HDHD2: variants seen among roughly 807,000 people sequenced by gnomAD.
The protein encoded by HDHD2 is haloacid dehalogenase like hydrolase domain containing 2, also known as haloacid dehalogenase-like hydrolase domain-containing protein 2.
HDHD2 carries 26 observed loss-of-function variants against 24.8 expected under a neutral mutation model. The observed-to-expected ratio is 1.05, with a 90% CI of 0.77 to 1.45. The LOEUF (loss-of-function observed/expected upper bound fraction) is 1.45. Among genes scored for constraint, HDHD2 ranks in the 40% most tolerant of loss-of-function variants. The pLI is 0.00. For missense variants in HDHD2, 299 were observed against 313.4 expected, an observed-to-expected ratio of 0.95 and a Z score of 0.35; for synonymous variants, 128 against 114.9, an observed-to-expected ratio of 1.11 and a Z score of -0.73.
intron 4 of HDHD2, among the ~76,000 whole-genome samples, chr18:47,127,121 A>T (rs1191746301): frequency 6.6e-6 from 1 of 152,162 alleles, no homozygotes; most frequent in Non-Finnish European, 1.5e-5. Context: ...AGATCGCACC[A>T]CTGCACTCCA....
chr18:47,145,497 A>T (rs1028927399), intron 1 of HDHD2, among the ~76,000 whole-genome samples: 16 of 152,236 alleles, frequency 1.1e-4, no homozygotes, highest in Admixed American at 9.8e-4. Flanking sequence ...TATATGATAG[A>T]AGTAGTGTTT....
At chr18:47,145,945 A>T (rs2144394956) in intron 1 of HDHD2, among the ~76,000 whole-genome samples, 1 of 152,308 alleles carries the variant, frequency 6.6e-6, no homozygotes. Flanking sequence ...CAAAAGAGCA[A>T]ATCTGGCCGG....
At chr18:47,126,419 G>C (rs1439342889) in intron 4 of HDHD2, among the ~76,000 whole-genome samples, 1 of 151,942 alleles carries the variant, frequency 6.6e-6, no homozygotes, top group Admixed American at 6.6e-5. Flanking sequence ...GAAGGAGATG[G>C]GGGAAAGCAA....
At chr18:47,128,055 A>AAG (rs35896260) in intron 4 of HDHD2, among the ~76,000 whole-genome samples, 85,208 of 151,900 alleles carry the variant, frequency 0.56, 24,000 homozygotes, top group Middle Eastern at 0.62. Flanking sequence ...TCAATATGCA[A>AAG]AAAGGGAAGA....
At chr18:47,144,848 C>T (rs913171791) in intron 1 of HDHD2, among the ~76,000 whole-genome samples, 5 of 144,858 alleles carry the variant, frequency 3.5e-5, no homozygotes, top group African/African-American at 1.0e-4. Context: ...AAAAACAACA[C>T]AAAGAAATCA....
At chr18:47,142,617 G>A (rs2063830071) in intron 1 of HDHD2, among the ~76,000 whole-genome samples, 1 of 152,112 alleles carries the variant, frequency 6.6e-6, no homozygotes, top group Non-Finnish European at 1.5e-5. Context: ...GCAAAAGTGG[G>A]CTTTGAGGAG....
At chr18:47,118,582 G>T (rs1291512253) in intron 4 of HDHD2, among the ~76,000 whole-genome samples, 2 of 152,126 alleles carry the variant, frequency 1.3e-5, no homozygotes, top group African/African-American at 4.8e-5. Context: ...GGCCTGTTGG[G>T]ACTGCAGGGG....
At chr18:47,130,087 A>G (rs2144337553) in intron 4 of HDHD2, among the ~76,000 whole-genome samples, 157 bp downstream of exon 4, 1 of 152,350 alleles carries the variant, frequency 6.6e-6, no homozygotes, top group East Asian at 1.9e-4. Flanking sequence ...TCAAGATAGT[A>G]ATACATATTA....
At chr18:47,147,979 GT>G (rs1325007348) in intron 1 of HDHD2, among the ~76,000 whole-genome samples, 1 of 139,414 alleles carries the variant, frequency 7.2e-6, no homozygotes, top group Non-Finnish European at 1.5e-5. Context: ...CCAAAACTTT[GT>G]TTTTTCTTTC....
At chr18:47,150,284 G>A (rs533778312) in intron 1 of HDHD2, 94 bp downstream of exon 1, 3 of 152,522 alleles carry the variant, frequency 2.0e-5, no homozygotes, top group South Asian at 2.1e-4. Context: ...CGGCCTGGGG[G>A]CGCCACTAGT....
At chr18:47,149,356 T>G (rs1156371622) in intron 1 of HDHD2, among the ~76,000 whole-genome samples, 4 of 152,160 alleles carry the variant, frequency 2.6e-5, no homozygotes, top group African/African-American at 9.7e-5. Context: ...GAAGTACAAA[T>G]TTTCTTTCCT....
rs111468475 is a variant in HDHD2 at position 47,127,489 on chromosome 18, G to A, written c.395+2755C>T. ...GAGCATTTAAACTTTTCCACGATGA[G>A]GATATATTAATTTTGTGATTAGATA... On this transcript the variant is annotated intron_variant, in intron 4 of 6. Transcript: ENST00000300605. Among the ~76,000 whole-genome samples the A allele has an allele frequency of 5.6e-3, 851 of 152,064 alleles. 11 individuals are homozygous for A. Among genetic ancestry groups the A allele is most frequent in the African/African-American group, 0.02 (823 of 41,456 alleles).
At position 47,107,777 on chromosome 18, in the gene HDHD2, T is replaced by C. The variant is rs551810316; in HGVS notation, c.*905A>G. The stretch of plus-strand genomic sequence containing the variant: ...AATAGCTTCTAAAAAATTTTTCCCA[T>C]AGTGTCAGAGGCAAAAATAATGAAA... On this transcript the variant is annotated 3_prime_UTR_variant, in exon 7 of 7. Coordinates refer to ENST00000300605, the MANE Select transcript of HDHD2 (RefSeq NM_032124.5). 2.6e-5 allele frequency: 4 copies of C among 152,730 alleles called. No homozygotes were observed. Among genetic ancestry groups the C allele is most frequent in the Non-Finnish European group, 4.4e-5 (3 of 68,014 alleles). 9.5% of individuals were successfully genotyped at this position (152,730 alleles called of 1,614,324 possible). A position where few individuals can be genotyped will look rare whatever the true frequency, so the allele number is the denominator to read the frequency against.
intron 1 of HDHD2, among the ~76,000 whole-genome samples, chr18:47,141,340 A>G (rs182184218): frequency 3.7e-4 from 57 of 152,354 alleles, no homozygotes; most frequent in Middle Eastern, 3.4e-3. Context: ...ATACTAAAAG[A>G]TAAGAAACAA....
At chr18:47,110,598 CAA>C in intron 6 of HDHD2, 1 of 985,358 alleles carries the variant, frequency 1.0e-6, no homozygotes, top group South Asian at 4.7e-5. Flanking sequence ...TAGAAATTGA[CAA>C]AAGTGGCTTA....
intron 6 of HDHD2, among the ~76,000 whole-genome samples, chr18:47,112,552 A>G (rs994436637): frequency 2.6e-5 from 4 of 152,244 alleles, no homozygotes; most frequent in Non-Finnish European, 5.9e-5. Flanking sequence ...TATTTTTGTA[A>G]AAGTTCAAAC....
intron 1 of HDHD2, among the ~76,000 whole-genome samples, chr18:47,139,124 A>C (rs2144370776): frequency 6.6e-6 from 1 of 152,102 alleles, no homozygotes; most frequent in Admixed American, 6.5e-5. Flanking sequence ...ACCTTGCCCT[A>C]TGTATCTCTT....
At chr18:47,126,706 GA>G (rs35781916) in intron 4 of HDHD2, among the ~76,000 whole-genome samples, 1 of 151,844 alleles carries the variant, frequency 6.6e-6, no homozygotes, top group Non-Finnish European at 1.5e-5. Flanking sequence ...TTAATATAGG[GA>G]AAAAAGGCCT....
At chr18:47,135,550 C>A (rs1040699805) in intron 2 of HDHD2, among the ~76,000 whole-genome samples, 1 of 152,082 alleles carries the variant, frequency 6.6e-6, no homozygotes, top group African/African-American at 2.4e-5. Context: ...CGTGAGCCAC[C>A]GCGCCTGGCC....
Sources: gnomAD v4.1 joint callset for allele counts (sites outside exome capture counted in the v4.1 genomes callset) on GRCh38, gnomAD v4.1.1 for gene constraint, MANE v1.5 for transcripts, NCBI Gene and HGNC (gene_info 2026-07-23, HGNC 2026-07-21) for gene names.